The following BTBD1 variants were observed in gnomAD, a reference collection of about 807,000 sequenced individuals.
BTBD1 encodes BTB domain containing 1, also known as BTB/POZ domain-containing protein 1.
BTBD1 carries 34 observed loss-of-function variants against 48.0 expected under a neutral mutation model. The observed-to-expected ratio is 0.71, with a 90% CI of 0.54 to 0.94. BTBD1 has a LOEUF of 0.94. Ranked by LOEUF, BTBD1 falls within the 40% of genes least tolerant of loss-of-function variation. The pLI is 0.00. For synonymous variants in BTBD1, 261 were observed against 242.1 expected (o/e 1.08, Z -0.72); for missense variants, 543 against 625.6 (o/e 0.87, Z 1.41).
rs751331989 is a variant in BTBD1, at chr15:83,018,678, C to G, written c.1290+29G>C. Reference sequence around the variant, plus strand: ...ACATTCTGCAACATTCAAGAGGAAACCATCTGGAACATAGTGCATGACTCT... The same window carrying G: ...ACATTCTGCAACATTCAAGAGGAAAGCATCTGGAACATAGTGCATGACTCT... On this transcript the variant is annotated intron_variant, in intron 7 of 7. Transcript: ENST00000261721. 6 of 1,606,018 alleles carry G rather than the reference C, an allele frequency of 3.7e-6. No individual in the cohort carries two copies. The East Asian group carries it at 1.3e-4, about 36-fold the overall frequency.
At chr15:83,028,928 T>C (rs770404419) in intron 5 of BTBD1, among the ~76,000 whole-genome samples, 1 of 152,196 alleles carries the variant, frequency 6.6e-6, no homozygotes, top group Admixed American at 6.5e-5. Context: ...CTACTATTTC[T>C]AATTCATTAA....
intron 4 of BTBD1, among the ~76,000 whole-genome samples, chr15:83,031,636 C>T (rs916202482): frequency 2.0e-4 from 31 of 151,816 alleles, no homozygotes; most frequent in African/African-American, 7.3e-4. Flanking sequence ...TGTGGGGCAG[C>T]GGGAGGGGGA....
intron 4 of BTBD1, chr15:83,030,702 TTAGG>T (rs1269611804): frequency 6.2e-6 from 1 of 160,350 alleles, no homozygotes; most frequent in East Asian, 1.8e-4. Context: ...AGACATTGGC[TTAGG>T]TAAAGAATTC....
chr15:83,044,530 A>C (rs2032837616), intron 3 of BTBD1: 1 of 1,591,952 alleles, frequency 6.3e-7, no homozygotes, highest in Non-Finnish European at 8.6e-7. Flanking sequence ...CTCACCATAA[A>C]AACCGAGAGC....
intron 4 of BTBD1, among the ~76,000 whole-genome samples, chr15:83,036,198 T>C (rs746707725): frequency 5.0e-4 from 74 of 147,424 alleles, no homozygotes; most frequent in Non-Finnish European, 8.8e-4. Context: ...GAAAACAAAT[T>C]GCAAGATGGT....
intron 4 of BTBD1, among the ~76,000 whole-genome samples, chr15:83,039,984 G>GACAC (rs34590396): frequency 0.045 from 6,643 of 146,146 alleles, 194 homozygotes; most frequent in African/African-American, 0.073. Flanking sequence ...TAGAGAATGT[G>GACAC]ACACACACAC....
At chr15:83,048,374 T>G (rs777503142) in intron 3 of BTBD1, among the ~76,000 whole-genome samples, 1 of 152,154 alleles carries the variant, frequency 6.6e-6, no homozygotes. Context: ...GTTGGGTATA[T>G]GAGTTTGTAG....
Position 83,016,646 on chromosome 15 carries a change from CAG to C in BTBD1, c.*1419_*1420del, listed in dbSNP as rs2032172443. 6.6e-6 allele frequency: 1 copy of C among 152,098 alleles called. No individual in the cohort carries two copies. Among genetic ancestry groups the C allele is most frequent in the Non-Finnish European group, 1.5e-5 (1 of 68,022 alleles). 9.4% of individuals were successfully genotyped at this position (152,098 alleles called of 1,614,324 possible). On this transcript the variant is annotated 3_prime_UTR_variant, in exon 8 of 8. Coordinates refer to ENST00000261721, the MANE Select transcript of BTBD1 (RefSeq NM_025238.4). ...GAAGTATTTTCTGTAATGGTTACTA[CAG>C]AGTGTTTACTGGTTAATTTTTAGTT... is the stretch of plus-strand genomic sequence containing the variant.
intron 1 of BTBD1, among the ~76,000 whole-genome samples, chr15:83,064,579 A>G (rs2033229009): frequency 6.6e-6 from 1 of 152,168 alleles, no homozygotes; most frequent in Non-Finnish European, 1.5e-5. Flanking sequence ...AAAGTAAAAA[A>G]TTGCCCCAAA....
intron 5 of BTBD1, among the ~76,000 whole-genome samples, chr15:83,021,278 G>GT (rs1250286205): frequency 1.3e-5 from 2 of 152,212 alleles, no homozygotes; most frequent in African/African-American, 2.4e-5. Context: ...ATTACAAATT[G>GT]TAACAAGAGC....
At chr15:83,063,432 A>G (rs1163341080) in intron 1 of BTBD1, among the ~76,000 whole-genome samples, 1 of 152,202 alleles carries the variant, frequency 6.6e-6, no homozygotes, top group African/African-American at 2.4e-5. Flanking sequence ...TATATCCAGA[A>G]TTTGACCATG....
At chr15:83,018,604 C>T (rs189139370) in intron 7 of BTBD1, 103 bp downstream of exon 7, 3 of 1,313,912 alleles carry the variant, frequency 2.3e-6, no homozygotes, top group East Asian at 2.4e-5. Context: ...TCTTTTCCCC[C>T]CTCTTTATAA....
At chr15:83,032,527 C>T (rs1014813004) in intron 4 of BTBD1, among the ~76,000 whole-genome samples, 6 of 152,110 alleles carry the variant, frequency 3.9e-5, no homozygotes, top group Non-Finnish European at 7.3e-5. Flanking sequence ...TATACATACA[C>T]CATGGAATAC....
At chr15:83,032,274 T>C (rs1381549959) in intron 4 of BTBD1, among the ~76,000 whole-genome samples, 1 of 151,582 alleles carries the variant, frequency 6.6e-6, no homozygotes, top group East Asian at 1.9e-4. Context: ...TGAGCCGAGA[T>C]CGCACTACTG....
chr15:83,030,603 C>T (rs2032497615), intron 4 of BTBD1: 1 of 309,768 alleles, frequency 3.2e-6, no homozygotes, highest in Non-Finnish European at 5.9e-6. Flanking sequence ...CCTTTCTCAC[C>T]TTATACAAAA....
At chr15:83,054,301 C>T (rs776599194) in intron 2 of BTBD1, among the ~76,000 whole-genome samples, 2 of 152,008 alleles carry the variant, frequency 1.3e-5, no homozygotes, top group Non-Finnish European at 2.9e-5. Context: ...TGCACCACTG[C>T]ACTCCAGGCT....
chr15:83,066,514 C>T (rs1596447268), intron 1 of BTBD1, among the ~76,000 whole-genome samples: 1 of 152,326 alleles, frequency 6.6e-6, no homozygotes, highest in East Asian at 1.9e-4. Context: ...TGGTAAAACG[C>T]ACGCTTGCCT....
In BTBD1 at chr15:83,017,056, A is replaced by T. The variant is rs760617512; in HGVS notation, c.*1011T>A. 3 of 152,664 alleles carry T rather than the reference A, an allele frequency of 2.0e-5. No individual in the cohort carries two copies. The highest frequency in any genetic ancestry group is 6.5e-5 in the Admixed American group (1 of 15,288). 9.5% of individuals were successfully genotyped at this position (152,664 alleles called of 1,614,324 possible). A position where few individuals can be genotyped will look rare whatever the true frequency, so the allele number is the denominator to read the frequency against. On this transcript the variant is annotated 3_prime_UTR_variant, in exon 8 of 8. Transcript: ENST00000261721. ...CAGATATACTTCCTATCCCCAACAC[A>T]GCTGTAACACTGACTAATGGGGTCA...
rs1259188680 is a variant in BTBD1, at chr15:83,045,454, C to T, written c.665-3529G>A. Among the ~76,000 whole-genome samples the T allele has an allele frequency of 2.6e-5, 4 of 152,120 alleles. No homozygotes were observed. The East Asian group carries it at 7.7e-4, about 29-fold the overall frequency. ...CGGAGGCTGCAGTGAGTCAAGATCA[C>T]GCCACTGCACTCCAGCCTGGGTGAC... On this transcript the variant is annotated intron_variant, in intron 3 of 7. Coordinates refer to ENST00000261721, the MANE Select transcript of BTBD1 (RefSeq NM_025238.4).
Sources: gnomAD v4.1 joint callset for allele counts (sites outside exome capture counted in the v4.1 genomes callset) on GRCh38, gnomAD v4.1.1 for gene constraint, MANE v1.5 for transcripts, NCBI Gene and HGNC (gene_info 2026-07-23, HGNC 2026-07-21) for gene names.